Variants in CNTN5 observed in about 807,000 individuals in gnomAD.
CNTN5 encodes contactin 5, also known as contactin-5.
In CNTN5, 77 loss-of-function variants were observed where a neutral mutation model predicts 129.1. That is an observed-to-expected ratio of 0.60 (90% confidence interval 0.50 to 0.72). The LOEUF (loss-of-function observed/expected upper bound fraction) is 0.72. Ranked by LOEUF, CNTN5 falls within the 30% of genes least tolerant of loss-of-function variation. The probability of loss-of-function intolerance (pLI) is 0.00; values close to 1 mark genes in which losing one functional copy is unlikely to be tolerated. For synonymous variants in CNTN5, 509 were observed against 465.6 expected, an observed-to-expected ratio of 1.09 and a Z score of -1.20; for missense variants, 1,478 against 1,328.8, an observed-to-expected ratio of 1.11 and a Z score of -1.75.
At chr11:100,195,684 A>T (rs1948620636) in intron 15 of CNTN5, among the ~76,000 whole-genome samples, 1 of 152,000 alleles carries the variant, frequency 6.6e-6, no homozygotes. Context: ...TTTAGTATGC[A>T]TATGTATTTT....
chr11:99,022,118 G>A (rs1255250328), intron 1 of CNTN5, among the ~76,000 whole-genome samples: 1 of 152,134 alleles, frequency 6.6e-6, no homozygotes, highest in Non-Finnish European at 1.5e-5. Flanking sequence ...ACTGTTGTAT[G>A]TTCAATGCCT....
At chr11:99,199,509 G>T (rs755022292) in intron 1 of CNTN5, among the ~76,000 whole-genome samples, 2 of 152,150 alleles carry the variant, frequency 1.3e-5, no homozygotes, top group East Asian at 3.9e-4. Context: ...CCGTCCTGTG[G>T]GTTAGCTGGA....
Position 99,922,727 on chromosome 11 carries a change from G to A in CNTN5, c.673+6578G>A, listed in dbSNP as rs1949969281. ...AATTTTATTATTTTTATCTTTCCAAGTAGATTATATGTTCTTTCAGTATAT... is the reference window on the plus strand; with the variant it reads ...AATTTTATTATTTTTATCTTTCCAAATAGATTATATGTTCTTTCAGTATAT... On this transcript the variant is annotated intron_variant, in intron 7 of 24. Transcript: ENST00000524871. Among the ~76,000 whole-genome samples the A allele has an allele frequency of 5.3e-5, 8 of 152,238 alleles. No homozygotes were observed. The South Asian group carries it at 1.7e-3, about 32-fold the overall frequency.
At chr11:100,090,564 C>CTCCT (rs1231564700) in intron 13 of CNTN5, among the ~76,000 whole-genome samples, 10 of 102,876 alleles carry the variant, frequency 9.7e-5, no homozygotes, top group African/African-American at 4.3e-4. Flanking sequence ...CCCTCCCTCC[C>CTCCT]TCCTTCCTTC....
intron 4 of CNTN5, among the ~76,000 whole-genome samples, chr11:99,843,754 C>A (rs938982023): frequency 6.6e-6 from 1 of 152,004 alleles, no homozygotes; most frequent in South Asian, 2.1e-4. Context: ...AGGACAGCCC[C>A]GCCTCAACAG....
chr11:99,913,429 A>T (rs182723090), intron 6 of CNTN5, among the ~76,000 whole-genome samples: 135 of 150,332 alleles, frequency 9.0e-4, no homozygotes, highest in African/African-American at 3.3e-3. Flanking sequence ...TCTTTTTAGT[A>T]TTTATATGTC....
At chr11:99,226,135 TA>T (rs929422465) in intron 1 of CNTN5, among the ~76,000 whole-genome samples, 1 of 152,200 alleles carries the variant, frequency 6.6e-6, no homozygotes, top group Non-Finnish European at 1.5e-5. Flanking sequence ...TAAGTGGTTT[TA>T]AAATATGGCT....
chr11:99,850,254 A>G (rs1947830597), intron 6 of CNTN5, among the ~76,000 whole-genome samples: 1 of 152,054 alleles, frequency 6.6e-6, no homozygotes, highest in Non-Finnish European at 1.5e-5. Context: ...TAATTTATTT[A>G]TTGAATAACA....
chr11:99,156,508 A>G (rs1860343192), intron 1 of CNTN5, among the ~76,000 whole-genome samples: 1 of 152,014 alleles, frequency 6.6e-6, no homozygotes, highest in Non-Finnish European at 1.5e-5. Flanking sequence ...GACATCATTA[A>G]AATTTTTAGC....
intron 2 of CNTN5, among the ~76,000 whole-genome samples, chr11:99,534,134 G>A (rs1039895119): frequency 2.0e-5 from 3 of 152,160 alleles, no homozygotes; most frequent in East Asian, 3.8e-4. Context: ...TTAACCAGAA[G>A]GATTAAGTTG....
intron 2 of CNTN5, among the ~76,000 whole-genome samples, chr11:99,480,236 A>G (rs1180105224): frequency 6.6e-6 from 1 of 152,162 alleles, no homozygotes; most frequent in African/African-American, 2.4e-5. Flanking sequence ...TCCTTTTATT[A>G]TCTTCTCCAT....
chr11:99,487,925 G>A (rs989698022), intron 2 of CNTN5, among the ~76,000 whole-genome samples: 15 of 152,066 alleles, frequency 9.9e-5, no homozygotes, highest in African/African-American at 2.9e-4. Flanking sequence ...TGAAAGAGTG[G>A]GAGAAGATTT....
intron 3 of CNTN5, among the ~76,000 whole-genome samples, chr11:99,643,620 A>G (rs1005922984): frequency 1.3e-5 from 2 of 152,128 alleles, no homozygotes; most frequent in Admixed American, 1.3e-4. Flanking sequence ...TAATGTTGTT[A>G]ATATTAACAA....
intron 2 of CNTN5, among the ~76,000 whole-genome samples, chr11:99,408,470 GAAAGAAAGAAAGAA>G (rs1942226540): frequency 7.7e-6 from 1 of 129,978 alleles, no homozygotes; most frequent in African/African-American, 2.7e-5. Flanking sequence ...AAGAAAGAAA[GAAAGAAAGAAAGAA>G]AGAAAGAAAG....
At position 100,071,803 on chromosome 11, in the gene CNTN5, C is replaced by T; in HGVS notation, c.1398C>T (p.Ala466=). The change falls in exon 12 of 25, where the codon GCC becomes GCT. Residue 466 remains alanine, a synonymous_variant. Coordinates refer to ENST00000524871, the MANE Select transcript of CNTN5 (RefSeq NM_014361.4). ...GTTTGGCTGAAAATAAGTATGGAGC[C>T]ATTTACGCTAGTGCTGAGCTGAAGA... The part of the protein sequence containing the change: ...YQCLAENKYG[A]IYASAELKIL... The T allele has an allele frequency of 1.2e-6, 2 of 1,606,860 alleles. No individual in the cohort carries two copies. Among genetic ancestry groups the T allele is most frequent in the Non-Finnish European group, 8.5e-7 (1 of 1,177,022 alleles).
chr11:99,914,773 A>G (rs188560248), intron 6 of CNTN5, among the ~76,000 whole-genome samples: 152 of 152,184 alleles, frequency 1.0e-3, no homozygotes, highest in African/African-American at 3.7e-3. Context: ...TGTCTTCACT[A>G]CTTATTAGAC....
chr11:99,069,970 G>A (rs1865272512), intron 1 of CNTN5, among the ~76,000 whole-genome samples: 2 of 152,148 alleles, frequency 1.3e-5, no homozygotes, highest in Admixed American at 1.3e-4. Flanking sequence ...GTAGGGGACA[G>A]AGCTCCCTCT....
chr11:99,788,191 A>G (rs1565532995), intron 3 of CNTN5, among the ~76,000 whole-genome samples: 1 of 151,782 alleles, frequency 6.6e-6, no homozygotes, highest in East Asian at 1.9e-4. Context: ...GATGTTACCT[A>G]TTTTTAGTTT....
intron 2 of CNTN5, among the ~76,000 whole-genome samples, chr11:99,336,790 T>C (rs556747155): frequency 7.3e-4 from 110 of 151,510 alleles, no homozygotes; most frequent in African/African-American, 2.6e-3. Context: ...ACCACGCCAT[T>C]GCACTCCAGC....
Sources: allele counts gnomAD v4.1 joint callset (sites outside exome capture counted in the v4.1 genomes callset), GRCh38; gene constraint gnomAD v4.1.1; transcripts MANE v1.5; gene names NCBI Gene and HGNC (gene_info 2026-07-23, HGNC 2026-07-21).